NSD2: variants seen among roughly 807,000 people sequenced by gnomAD.
NSD2 encodes the protein histone-lysine N-methyltransferase NSD2.
In NSD2, 12 loss-of-function variants were observed where a neutral mutation model predicts 139.0. That is an observed-to-expected ratio of 0.09 (90% CI 0.06 to 0.14). The LOEUF is 0.14. NSD2 is among the 10% of genes least tolerant of loss of function. The pLI, the probability that NSD2 is intolerant of heterozygous loss-of-function variation, is 1.00. For synonymous variants in NSD2, 669 were observed against 648.7 expected (o/e 1.03, Z -0.48); for missense variants, 1,155 against 1,745.0 (o/e 0.66, Z 6.02).
intron 5 of NSD2, among the ~76,000 whole-genome samples, chr4:1,927,730 A>G (rs1191400474): frequency 6.4e-4 from 94 of 147,496 alleles, no homozygotes; most frequent in African/African-American, 2.3e-3. Flanking sequence ...AAAAAAAAAA[A>G]AAAAAAAAAA....
intron 2 of NSD2, among the ~76,000 whole-genome samples, chr4:1,902,664 C>A (rs1376384374): frequency 6.6e-6 from 1 of 152,138 alleles, no homozygotes; most frequent in African/African-American, 2.4e-5. Context: ...TTCACGAACT[C>A]CTGACCTCAA....
Position 1,981,230 on chromosome 4 carries a change from A to G in NSD2, c.*2321A>G. ...CCAAAAACTGTTAAACTAATGAGCA[A>G]GTAACACTAACTTTGAATGTCTCTA... On this transcript the variant is annotated 3_prime_UTR_variant, in exon 22 of 22. Coordinates refer to ENST00000508803, the MANE Select transcript of NSD2 (RefSeq NM_001042424.3). 4.3e-6 allele frequency: 1 copy of G among 233,348 alleles called. No individual in the cohort carries two copies. The allele number at this position is 233,348 out of a possible 1,614,324, so 14.5% of individuals were successfully genotyped here. A position where few individuals can be genotyped will look rare whatever the true frequency, so the allele number is the denominator to read the frequency against.
chr4:1,973,384 G>A lies in NSD2; in HGVS notation c.3373-1479G>A, dbSNP rs181293007. Among the ~76,000 whole-genome samples, 1 of 152,310 alleles carries A rather than the reference G, an allele frequency of 6.6e-6. No individual in the cohort carries two copies. The highest frequency in any genetic ancestry group is 2.4e-5 in the African/African-American group (1 of 41,568). ...CATTGGTGGCATGTCCCATGTGCAT[G>A]CCCCGTGCTGTCCTCGTCCCCAGGG... On this transcript the variant is annotated intron_variant, in intron 18 of 21. Transcript: ENST00000508803. The surrounding 1 kb of genome is among the most constrained non-coding windows in gnomAD (Gnocchi z 5.5).
chr4:1,917,373 CAATA>C (rs1719533657), intron 4 of NSD2, among the ~76,000 whole-genome samples: 1 of 152,122 alleles, frequency 6.6e-6, no homozygotes, highest in Non-Finnish European at 1.5e-5. Context: ...TTTAAAGAAA[CAATA>C]AAGGTATTAT....
chr4:1,927,358 C>T (rs1346449322), intron 5 of NSD2, among the ~76,000 whole-genome samples: 6 of 151,990 alleles, frequency 3.9e-5, no homozygotes, highest in Admixed American at 2.0e-4. Context: ...GGTTGGGGGT[C>T]GTCTTGGAGG....
At chr4:1,930,906 C>T (rs1721555118) in intron 6 of NSD2, 136 bp downstream of exon 6, 1 of 1,112,824 alleles carries the variant, frequency 9.0e-7, no homozygotes. Context: ...GGCCAGCGGT[C>T]CAAGTGCGTG....
At chr4:1,939,998 G>A (rs778760069) in intron 9 of NSD2, 113 of 1,410,144 alleles carry the variant, frequency 8.0e-5, no homozygotes, top group Non-Finnish European at 8.1e-5. Flanking sequence ...CGCACACAGT[G>A]TCTGTGTACA....
Position 1,976,907 on chromosome 4 carries a change from C to T in NSD2, c.3826+228C>T, listed in dbSNP as rs1727143907. Among the ~76,000 whole-genome samples, 1 of 152,256 alleles carries T rather than the reference C, an allele frequency of 6.6e-6. No homozygotes were observed. Among genetic ancestry groups the T allele is most frequent in the Non-Finnish European group, 1.5e-5 (1 of 68,040 alleles). On this transcript the variant is annotated intron_variant, in intron 21 of 21. Transcript: ENST00000508803. The surrounding 1 kb of genome is among the most constrained non-coding windows in gnomAD (Gnocchi z 5.3). The stretch of plus-strand genomic sequence containing the variant: ...GAAGATATGTGGTGACGGGGTAGCC[C>T]CTGGAACCTCCAGGAGGGATTCAGG...
At position 1,900,770 on chromosome 4, in the gene NSD2, A is replaced by G. The variant is rs1400660779; in HGVS notation, c.116A>G (p.Glu39Gly). Residue 39 changes from glutamate (E) to glycine (G), a missense_variant, in exon 2 of 22, where the codon GAG (glutamate) becomes GGG (glycine). Coordinates refer to ENST00000508803, the MANE Select transcript of NSD2 (RefSeq NM_001042424.3). Reference protein sequence around the residue: ...GSANGKTPSCEVNRECSVFLS... With the variant: ...GSANGKTPSCGVNRECSVFLS... Reference sequence around the variant, plus strand: ...GCCAACGGGAAGACTCCGAGCTGCGAGGTGAACCGCGAGTGTTCTGTGTTC... The same window carrying G: ...GCCAACGGGAAGACTCCGAGCTGCGGGGTGAACCGCGAGTGTTCTGTGTTC... 1.2e-6 allele frequency: 2 copies of G among 1,614,154 alleles called. No homozygotes were observed. Among genetic ancestry groups the G allele is most frequent in the Non-Finnish European group, 1.7e-6 (2 of 1,180,034 alleles).
chr4:1,914,987 C>G (rs1321284927), intron 3 of NSD2, among the ~76,000 whole-genome samples: 1 of 151,944 alleles, frequency 6.6e-6, no homozygotes, highest in African/African-American at 2.4e-5. Flanking sequence ...ATTTGGGTAT[C>G]AAACCTCCTA....
At chr4:1,899,853 A>C (rs1441860329) in intron 1 of NSD2, among the ~76,000 whole-genome samples, 2 of 152,220 alleles carry the variant, frequency 1.3e-5, no homozygotes, top group Non-Finnish European at 2.9e-5. Context: ...GTTCTCAAGT[A>C]GTTAATCTTC....
intron 9 of NSD2, chr4:1,944,923 T>C: frequency 1.9e-6 from 2 of 1,063,554 alleles, no homozygotes; most frequent in Non-Finnish European, 2.3e-6. Flanking sequence ...TAGAAACAGC[T>C]CCAGTGTTTT....
intron 9 of NSD2, chr4:1,944,274 G>A: frequency 9.4e-7 from 1 of 1,066,230 alleles, no homozygotes; most frequent in Non-Finnish European, 1.1e-6. Context: ...TGAAGGAGGT[G>A]GGTGGAAACG....
At chr4:1,944,012 A>G (rs1723370498) in intron 9 of NSD2, 1 of 1,065,508 alleles carries the variant, frequency 9.4e-7, no homozygotes, top group Non-Finnish European at 1.1e-6. Context: ...AAAGAGCAGC[A>G]TGACATTGGC....
chr4:1,951,963 G>A (rs1415897180), intron 10 of NSD2, 145 bp from the exon 11 acceptor site: 5 of 1,293,776 alleles, frequency 3.9e-6, no homozygotes, highest in South Asian at 3.1e-5. Flanking sequence ...TGGGCCAGAC[G>A]TTTGCCCATG....
At position 1,974,592 on chromosome 4, in the gene NSD2, A is replaced by G; in HGVS notation, c.3373-271A>G. On this transcript the variant is annotated intron_variant, in intron 18 of 21. Transcript: ENST00000508803. This position sits in a 1 kb window ranked among gnomAD's most constrained non-coding sequence, Gnocchi z 4.0. Reference sequence around the variant, plus strand: ...GACCTTAGCTCCCTTGTTTGCCATCATGGAGGATGCTGGGAGCTCCAGCTC... The same window carrying G: ...GACCTTAGCTCCCTTGTTTGCCATCGTGGAGGATGCTGGGAGCTCCAGCTC... 6.9e-6 allele frequency: 4 copies of G among 578,494 alleles called. No homozygotes were observed. Among genetic ancestry groups the G allele is most frequent in the Middle Eastern group, 4.1e-4 (1 of 2,410 alleles). The allele number at this position is 578,494 out of a possible 1,614,324, so 35.8% of individuals were successfully genotyped here.
intron 18 of NSD2, among the ~76,000 whole-genome samples, chr4:1,963,252 G>C (rs570389485): frequency 2.4e-4 from 36 of 152,310 alleles, no homozygotes; most frequent in African/African-American, 8.7e-4. Flanking sequence ...CTAGGACCAT[G>C]GCGTGTAGAG....
At chr4:1,919,343 A>G (rs1249456422) in intron 5 of NSD2, among the ~76,000 whole-genome samples, 1 of 152,114 alleles carries the variant, frequency 6.6e-6, no homozygotes, top group Non-Finnish European at 1.5e-5. Flanking sequence ...CATTGTGTCC[A>G]CTGGCACTGA....
At chr4:1,954,947 G>T (rs1724648057) in intron 12 of NSD2, among the ~76,000 whole-genome samples, 1 of 152,238 alleles carries the variant, frequency 6.6e-6, no homozygotes, top group Admixed American at 6.5e-5. Flanking sequence ...GCAGTGCCCA[G>T]GCTGAGACAC....
Sources: allele counts gnomAD v4.1 joint callset (sites outside exome capture counted in the v4.1 genomes callset), GRCh38; gene constraint gnomAD v4.1.1; non-coding constraint Gnocchi (gnomAD v3.1); transcripts MANE v1.5; gene names NCBI Gene and HGNC (gene_info 2026-07-23, HGNC 2026-07-21).